NLRX1: variants seen among roughly 807,000 people sequenced by gnomAD.
The protein encoded by NLRX1 is NOD-like receptor X1.
A neutral mutation model predicts 74.2 loss-of-function variants in NLRX1; 67 were observed. The observed-to-expected ratio is 0.90, with a 90% CI of 0.74 to 1.11. The LOEUF (loss-of-function observed/expected upper bound fraction) is 1.11, where lower values mean the gene tolerates loss of function less well. Ranked by LOEUF, NLRX1 falls within the 50% of genes least tolerant of loss-of-function variation. NLRX1 has a pLI of 0.00. For missense variants in NLRX1, 1,191 were observed against 1,305.4 expected, an observed-to-expected ratio of 0.91 and a Z score of 1.35; for synonymous variants, 506 against 559.1, an observed-to-expected ratio of 0.91 and a Z score of 1.34.
At chr11:119,170,626 C>T (rs1261975613) in intron 1 of NLRX1, among the ~76,000 whole-genome samples, 1 of 152,036 alleles carries the variant, frequency 6.6e-6, no homozygotes, top group African/African-American at 2.4e-5. Flanking sequence ...ATGATGAAGC[C>T]ATTAAAACTC....
At position 119,180,276 on chromosome 11, in the gene NLRX1, C is replaced by T; in HGVS notation, c.2255C>T (p.Ala752Val). Residue 752 changes from alanine to valine, a missense_variant, in exon 7 of 10, where the codon GCC becomes GTC. By Grantham distance (64) the Ala-to-Val change is moderately conservative (BLOSUM62 0). Transcript: ENST00000409109. The part of the protein sequence containing the change: ...LRTLLPVFLR[A>V]RKLGLQLNSL... ...ACACTCCTGCCTGTCTTCCTGCGTG[C>T]CCGGAAGCTGGGGTGAGGACCTATC... 1 of 1,579,662 alleles carries T rather than the reference C, an allele frequency of 6.3e-7. No individual in the cohort carries two copies. The highest frequency in any genetic ancestry group is 1.1e-5 in the South Asian group (1 of 87,698).
chr11:119,174,202 C>T lies in NLRX1; in HGVS notation c.849+104C>T, dbSNP rs1044635637. ...TCCCTTCACTTCCCAGTGGTGCGAC[C>T]CTGAGCAAGTCAGTAACTTCCCCAG... On this transcript the variant is annotated intron_variant, in intron 5 of 9. Coordinates refer to ENST00000409109, the MANE Select transcript of NLRX1 (RefSeq NM_001282144.2). 1.3e-5 allele frequency: 18 copies of T among 1,418,586 alleles called. No homozygotes were observed. The African/African-American group carries it at 2.3e-4, about 18-fold the overall frequency. The allele number at this position is 1,418,586 out of a possible 1,614,324, so 87.9% of individuals were successfully genotyped here.
intron 6 of NLRX1, among the ~76,000 whole-genome samples, chr11:119,178,829 C>T (rs746942068): frequency 1.4e-4 from 21 of 151,846 alleles, no homozygotes; most frequent in Non-Finnish European, 1.9e-4. Flanking sequence ...TGCCACCATG[C>T]CTGGCTAATT....
chr11:119,173,676 C>A lies in NLRX1; in HGVS notation c.427C>A (p.Pro143Thr), dbSNP rs538447241. The A allele has an allele frequency of 5.1e-5, 82 of 1,614,000 alleles. No individual in the cohort carries two copies. In the Admixed American group the frequency reaches 1.0e-3, roughly 20 times the overall value. ...TCAGCCACCCCAGGCCGGGCTCCCC[C>A]CACTGGCCTTGTCTCAGCTCTTTAA... ...EHQPPQAGLPPLALSQLFNPD... is the reference protein window; with the variant it reads ...EHQPPQAGLPTLALSQLFNPD... Residue 143 changes from proline to threonine, a missense_variant, in exon 5 of 10, where the codon CCA becomes ACA. Coordinates refer to ENST00000409109, the MANE Select transcript of NLRX1 (RefSeq NM_001282144.2). This position sits in a 1 kb window ranked among gnomAD's most constrained non-coding sequence, Gnocchi z 4.0.
chr11:119,179,758 G>A lies in NLRX1; in HGVS notation c.1737G>A (p.Val579=). Residue 579 remains valine, a synonymous_variant, in exon 7 of 10, where the codon GTG becomes GTA. Coordinates refer to ENST00000409109, the MANE Select transcript of NLRX1 (RefSeq NM_001282144.2). ...KSREAVAQAM[V]LEMFREEDYY... ...GGGAGGCGGTGGCTCAGGCCATGGT[G>A]CTGGAGATGTTTCGAGAGGAGGACT... is the stretch of plus-strand genomic sequence containing the variant. 6.2e-7 allele frequency: 1 copy of A among 1,614,186 alleles called. No homozygotes were observed. The highest frequency in any genetic ancestry group is 8.5e-7 in the Non-Finnish European group (1 of 1,180,018).
In NLRX1 at chr11:119,181,301, C is replaced by A; in HGVS notation, c.2354+44C>A. The A allele has an allele frequency of 2.8e-6, 4 of 1,440,824 alleles. No homozygotes were observed. In the South Asian group the frequency reaches 3.4e-5, roughly 12 times the overall value. 89.3% of individuals were successfully genotyped at this position (1,440,824 alleles called of 1,614,324 possible). ...GGGCATCCTGGTGGCCAGCTAAGGT[C>A]AAGGGTGAGCTCCCTGCTTCCTGAC... On this transcript the variant is annotated intron_variant, in intron 8 of 9. Coordinates refer to ENST00000409109, the MANE Select transcript of NLRX1 (RefSeq NM_001282144.2).
Position 119,173,373 on chromosome 11 carries a change from A to G in NLRX1, c.230-106A>G, listed in dbSNP as rs975631765. On this transcript the variant is annotated intron_variant, in intron 4 of 9. Transcript: ENST00000409109. This position sits in a 1 kb window ranked among gnomAD's most constrained non-coding sequence, Gnocchi z 4.0. Reference sequence around the variant, plus strand: ...TGTGCCCACCATTGTGGGCCCCAGCATCTATGCCGTGATGTCCCAGCCTGA... The same window carrying G: ...TGTGCCCACCATTGTGGGCCCCAGCGTCTATGCCGTGATGTCCCAGCCTGA... 1.4e-5 allele frequency: 17 copies of G among 1,230,642 alleles called. No individual in the cohort carries two copies. The highest frequency in any genetic ancestry group is 2.8e-4 in the Middle Eastern group (1 of 3,622). 76.2% of individuals were successfully genotyped at this position (1,230,642 alleles called of 1,614,324 possible).
chr11:119,182,465 C>T (rs1948865478), intron 9 of NLRX1, 120 bp downstream of exon 9: 1 of 1,402,888 alleles, frequency 7.1e-7, no homozygotes, highest in Admixed American at 2.1e-5. Flanking sequence ...TCCTTTATTC[C>T]TGGTTTCTGA....
At position 119,173,653 on chromosome 11, in the gene NLRX1, A is replaced by G. The variant is rs1948610572; in HGVS notation, c.404A>G (p.Gln135Arg). ...CCCGCGGAGCTGGCCCTGGAGCATC[A>G]GCCACCCCAGGCCGGGCTCCCCCCA... is the stretch of plus-strand genomic sequence containing the variant. ...RPPAELALEHQPPQAGLPPLA... is the reference protein window; with the variant it reads ...RPPAELALEHRPPQAGLPPLA... The change falls in exon 5 of 10, where the codon CAG (glutamine) becomes CGG (arginine). Residue 135 changes from glutamine to arginine, a missense_variant. Coordinates refer to ENST00000409109, the MANE Select transcript of NLRX1 (RefSeq NM_001282144.2). This position sits in a 1 kb window ranked among gnomAD's most constrained non-coding sequence, Gnocchi z 4.0. The G allele has an allele frequency of 1.2e-6, 2 of 1,614,050 alleles. No homozygotes were observed. Among genetic ancestry groups the G allele is most frequent in the African/African-American group, 2.7e-5 (2 of 75,046 alleles).
At position 119,171,340 on chromosome 11, in the gene NLRX1, A is replaced by G; in HGVS notation, c.-48-16A>G. 1 of 1,584,320 alleles carries G rather than the reference A, an allele frequency of 6.3e-7. No homozygotes were observed. The highest frequency in any genetic ancestry group is 1.1e-5 in the South Asian group (1 of 90,006). On this transcript the variant is annotated splice_polypyrimidine_tract_variant and intron_variant, in intron 1 of 9. Transcript: ENST00000409109. Reference sequence around the variant, plus strand: ...GGAGTGGTGGCAGTGATCCATTCGTACTATTCTTCTTGCAGGACAGAAGTC... The same window carrying G: ...GGAGTGGTGGCAGTGATCCATTCGTGCTATTCTTCTTGCAGGACAGAAGTC...
chr11:119,183,644 G>A lies in NLRX1; in HGVS notation c.*205G>A, dbSNP rs778615670. 1 of 717,046 alleles carries A rather than the reference G, an allele frequency of 1.4e-6. No homozygotes were observed. The highest frequency in any genetic ancestry group is 2.5e-6 in the Non-Finnish European group (1 of 394,796). The allele number at this position is 717,046 out of a possible 1,614,324, so 44.4% of individuals were successfully genotyped here. On this transcript the variant is annotated 3_prime_UTR_variant, in exon 10 of 10. Coordinates refer to ENST00000409109, the MANE Select transcript of NLRX1 (RefSeq NM_001282144.2). This position sits in a 1 kb window ranked among gnomAD's most constrained non-coding sequence, Gnocchi z 5.7. ...TCCAAGTTAAAGATGGTGAATCAAT[G>A]CTTCGGGCTTGGAGATGGAACATGC...
chr11:119,172,381 C>A lies in NLRX1; in HGVS notation c.96C>A (p.His32Gln). 6.2e-7 allele frequency: 1 copy of A among 1,613,874 alleles called. No individual in the cohort carries two copies. Among genetic ancestry groups the A allele is most frequent in the Non-Finnish European group, 8.5e-7 (1 of 1,179,740 alleles). The change falls in exon 3 of 10, where the codon CAC becomes CAA. Residue 32 changes from histidine to glutamine, a missense_variant. Coordinates refer to ENST00000409109, the MANE Select transcript of NLRX1 (RefSeq NM_001282144.2). ...ATGATCGTATCCCCTTCCTGATCCA[C>A]TGGAGTTGGCCCCTTCAAGGGGAGC... ...RPDDRIPFLI[H>Q]WSWPLQGERP...
At chr11:119,168,612 C>A (rs1280889916), upstream of NLRX1, 1 of 152,352 alleles carries the variant, frequency 6.6e-6, no homozygotes, top group East Asian at 1.9e-4. Context: ...TTCTGAGCAT[C>A]AGTTTCTTCA....
chr11:119,174,828 GA>G lies in NLRX1; in HGVS notation c.1228del (p.Thr410ProfsTer12). 6.2e-7 allele frequency: 1 copy of G among 1,614,042 alleles called. No individual in the cohort carries two copies. The highest frequency in any genetic ancestry group is 8.5e-7 in the Non-Finnish European group (1 of 1,180,044). On this transcript the variant is annotated frameshift_variant, in exon 6 of 10. Coordinates refer to ENST00000409109, the MANE Select transcript of NLRX1 (RefSeq NM_001282144.2). LOFTEE classifies it high-confidence loss of function. Reference protein sequence around the residue: ...TSFLRLNFSGETLDSTDPSNL... With the variant: ...TSFLRLNFSGXTLDSTDPSNL... ...CTTCCTGCGCCTCAACTTCAGCGGG[GA>G]AACCCTGGACAGCACTGACCCCTCC... is the stretch of plus-strand genomic sequence containing the variant.
At chr11:119,172,554 G>A in intron 3 of NLRX1, 129 bp downstream of exon 3, 2 of 710,638 alleles carry the variant, frequency 2.8e-6, no homozygotes, top group Non-Finnish European at 4.9e-6. Flanking sequence ...GGGGGTGGGA[G>A]GACAGTGGCA....
intron 6 of NLRX1, among the ~76,000 whole-genome samples, chr11:119,178,729 G>A (rs1289513185): frequency 1.3e-5 from 2 of 151,056 alleles, no homozygotes; most frequent in South Asian, 4.2e-4. Context: ...TTGAGACAGG[G>A]TCTTGCTCTG....
Position 119,174,585 on chromosome 11 carries a change from C to T in NLRX1, c.982C>T (p.Gln328Ter). 6.2e-7 allele frequency: 1 copy of T among 1,614,208 alleles called. No individual in the cohort carries two copies. Among genetic ancestry groups the T allele is most frequent in the Non-Finnish European group, 8.5e-7 (1 of 1,180,050 alleles). Reference protein sequence around the residue: ...QKLYFQLRLNQPYCGYAVGGS... With the variant: ...QKLYFQLRLN ...GCTCTACTTCCAGCTCCGCCTCAAC[C>T]AGCCGTACTGCGGGTATGCCGTTGG... The change falls in exon 6 of 10, where the codon CAG (glutamine) becomes TAG (stop). Residue 328 changes from glutamine to a stop codon, truncating the protein, a stop_gained. Coordinates refer to ENST00000409109, the MANE Select transcript of NLRX1 (RefSeq NM_001282144.2). LOFTEE classifies it high-confidence loss of function.
At chr11:119,175,297 C>T in intron 6 of NLRX1, 23 bp downstream of exon 6, 1 of 1,591,590 alleles carries the variant, frequency 6.3e-7, no homozygotes, top group South Asian at 1.1e-5. Context: ...TCAAGGTAAC[C>T]CCCCAACCTG....
intron 2 of NLRX1, among the ~76,000 whole-genome samples, chr11:119,172,074 A>G (rs1948564283): frequency 6.6e-6 from 1 of 152,240 alleles, no homozygotes; most frequent in African/African-American, 2.4e-5. Flanking sequence ...TGCCTGCCGT[A>G]CCGCAGACCT....
Sources: gnomAD v4.1 joint callset for allele counts (sites outside exome capture counted in the v4.1 genomes callset) on GRCh38, gnomAD v4.1.1 for gene constraint, Gnocchi (gnomAD v3.1) non-coding constraint, MANE v1.5 for transcripts, NCBI Gene and HGNC (gene_info 2026-07-23, HGNC 2026-07-21) for gene names.